The following APBA2 variants were observed in gnomAD, a reference collection of about 807,000 sequenced individuals.
The protein encoded by APBA2 is amyloid beta precursor protein binding family A member 2.
A neutral mutation model predicts 75.0 loss-of-function variants in APBA2; 30 were observed. The ratio of observed to expected loss-of-function variants is 0.40; its 90% confidence interval spans 0.30 to 0.54. APBA2 has a LOEUF of 0.54. APBA2 is among the 20% of genes least tolerant of loss of function. The pLI is 0.49. For missense variants in APBA2, 801 were observed against 1,016.1 expected, an observed-to-expected ratio of 0.79 and a Z score of 2.88; for synonymous variants, 444 against 409.6, an observed-to-expected ratio of 1.08 and a Z score of -1.01.
chr15:28,959,052 G>A (rs369862692), intron 2 of APBA2, among the ~76,000 whole-genome samples: 18 of 152,062 alleles, frequency 1.2e-4, no homozygotes, highest in African/African-American at 3.9e-4. Flanking sequence ...GCAGTGGTGC[G>A]ACCTTGGTTC....
chr15:29,081,981 G>T (rs571528206), intron 6 of APBA2, among the ~76,000 whole-genome samples: 1 of 152,218 alleles, frequency 6.6e-6, no homozygotes, highest in Non-Finnish European at 1.5e-5. Context: ...GACAGCGTAC[G>T]CTGCTGTTGG....
Position 29,013,381 on chromosome 15 carries a change from G to A in APBA2, c.-41+17575G>A, listed in dbSNP as rs1187323852. Among the ~76,000 whole-genome samples the A allele has an allele frequency of 2.1e-5, 3 of 145,602 alleles. No homozygotes were observed. The East Asian group carries it at 6.4e-4, about 31-fold the overall frequency. The stretch of plus-strand genomic sequence containing the variant: ...TGCGAGCTCCGCCTCACGGGTTCAC[G>A]CCATTCTCCTGCCTCAGCCTCCCAA... On this transcript the variant is annotated intron_variant, in intron 3 of 14. Transcript: ENST00000683413.
intron 2 of APBA2, among the ~76,000 whole-genome samples, chr15:28,925,557 T>A (rs2034213352): frequency 6.6e-6 from 1 of 152,236 alleles, no homozygotes; most frequent in African/African-American, 2.4e-5. Context: ...TTTCTATTTT[T>A]AAAATACTTG....
intron 3 of APBA2, among the ~76,000 whole-genome samples, chr15:28,998,071 G>T (rs947682120): frequency 1.3e-5 from 2 of 152,140 alleles, no homozygotes; most frequent in Non-Finnish European, 2.9e-5. Flanking sequence ...TTTCTGCTGC[G>T]AATGGAATCA....
intron 3 of APBA2, among the ~76,000 whole-genome samples, chr15:29,017,745 C>G (rs2039748298): frequency 6.6e-6 from 1 of 152,246 alleles, no homozygotes; most frequent in Non-Finnish European, 1.5e-5. Flanking sequence ...AATGTTTATG[C>G]TTGCTCTTAC....
At chr15:28,906,126 T>G (rs2033119770) in intron 1 of APBA2, among the ~76,000 whole-genome samples, 2 of 152,308 alleles carry the variant, frequency 1.3e-5, no homozygotes, top group East Asian at 3.9e-4. Flanking sequence ...GATTTGCAGT[T>G]CGATCCCCCA....
intron 3 of APBA2, among the ~76,000 whole-genome samples, chr15:29,033,047 C>T (rs11852339): frequency 0.19 from 29,650 of 152,170 alleles, 3,841 homozygotes; most frequent in African/African-American, 0.36. Context: ...CTTATCCAAG[C>T]TGCATCACTC....
chr15:29,084,092 TAGGTACA>T (rs2043190377), intron 6 of APBA2, among the ~76,000 whole-genome samples: 1 of 152,236 alleles, frequency 6.6e-6, no homozygotes, highest in Non-Finnish European at 1.5e-5. Context: ...TTGCTGTTTG[TAGGTACA>T]AAGAAAGCTA....
rs764481384 is a variant in APBA2, at chr15:29,098,482, C to T, written c.1252-8C>T. ...TTGGACTTTAACAATATCCACTGTC[C>T]TTCTTAGAATTCTGAGGGGGATGCC... On this transcript the variant is annotated splice_region_variant and splice_polypyrimidine_tract_variant and intron_variant, in intron 8 of 14. Transcript: ENST00000683413. The T allele has an allele frequency of 6.2e-7, 1 of 1,611,146 alleles. No individual in the cohort carries two copies. The highest frequency in any genetic ancestry group is 8.5e-7 in the Non-Finnish European group (1 of 1,177,280).
chr15:29,106,633 G>A lies in APBA2; in HGVS notation c.1731G>A (p.Glu577=), dbSNP rs2044422097. The A allele has an allele frequency of 5.0e-6, 8 of 1,613,050 alleles. No homozygotes were observed. The highest frequency in any genetic ancestry group is 6.8e-6 in the Non-Finnish European group (8 of 1,180,014). Residue 577 remains glutamate, a synonymous_variant, in exon 12 of 15, where the codon GAG becomes GAA. Transcript: ENST00000683413. ...TGCAGCTGGAGAAGCACAAGGGCGA[G>A]ATCCTGGGCGTGGTGGTGGTGGAGT... ...KELQLEKHKG[E]ILGVVVVESG...
rs576619053 is a variant in APBA2 at position 28,942,546 on chromosome 15, G to A, written c.-95+20797G>A. Among the ~76,000 whole-genome samples, 115 of 152,290 alleles carry A rather than the reference G, an allele frequency of 7.6e-4. 1 individual carries two copies. The Middle Eastern group carries it at 0.01, about 14-fold the overall frequency. ...TCAGTATTTCTTGGGGGAGGAACTC[G>A]GTGTGGTTTTTTCCAGCCTGAGCCC... On this transcript the variant is annotated intron_variant, in intron 2 of 14. Transcript: ENST00000683413.
chr15:28,968,626 A>G (rs372769008), intron 2 of APBA2, among the ~76,000 whole-genome samples: 3 of 152,162 alleles, frequency 2.0e-5, no homozygotes, highest in Non-Finnish European at 2.9e-5. Context: ...TTGATGCTCA[A>G]TGCCCCTGTT....
At chr15:29,115,328 A>G (rs994190580) in intron 14 of APBA2, among the ~76,000 whole-genome samples, 15 of 151,890 alleles carry the variant, frequency 9.9e-5, no homozygotes, top group Non-Finnish European at 1.5e-4. Flanking sequence ...GGACACTGGT[A>G]TTTTGTGCAC....
intron 3 of APBA2, among the ~76,000 whole-genome samples, chr15:29,003,971 CCA>C (rs1173859204): frequency 6.6e-6 from 1 of 152,154 alleles, no homozygotes; most frequent in Non-Finnish European, 1.5e-5. Context: ...CTCAAAAAGA[CCA>C]CACTCTTGAT....
intron 2 of APBA2, among the ~76,000 whole-genome samples, chr15:28,993,194 C>A (rs1441759285): frequency 6.6e-6 from 1 of 152,178 alleles, no homozygotes; most frequent in South Asian, 2.1e-4. Context: ...GAGTCAGCTG[C>A]CCCCAGGGAC....
chr15:28,962,876 G>A (rs764655575), intron 2 of APBA2, among the ~76,000 whole-genome samples: 3 of 152,160 alleles, frequency 2.0e-5, no homozygotes, highest in African/African-American at 2.4e-5. Context: ...TACTTTAACC[G>A]CTTCCTGGAC....
intron 2 of APBA2, among the ~76,000 whole-genome samples, chr15:28,982,926 A>G (rs188039830): frequency 6.1e-4 from 93 of 152,342 alleles, no homozygotes; most frequent in Admixed American, 2.3e-3. Flanking sequence ...CTATGTAGAA[A>G]TGAAATAAAT....
chr15:29,094,282 T>C lies in APBA2; in HGVS notation c.1220T>C (p.Met407Thr), dbSNP rs1314911383. The part of the protein sequence containing the change: ...AQEAVSRVKR[M>T]QKAAKIKKKA... ...TTTTCTCTTCCATGCTGTCAGAGGA[T>C]GCAAAAGGCTGCTAAGATCAAGAAA... Residue 407 changes from methionine to threonine, a missense_variant, in exon 8 of 15, where the codon ATG becomes ACG. Physicochemically the swap from Met to Thr is moderately conservative, Grantham distance 81. This residue lies in a region of APBA2 where 367 missense variants were observed against 544.5 expected (regional missense o/e 0.67). Coordinates refer to ENST00000683413, the MANE Select transcript of APBA2 (RefSeq NM_001353788.2). The C allele has an allele frequency of 1.9e-6, 3 of 1,614,114 alleles. No homozygotes were observed. Among genetic ancestry groups the C allele is most frequent in the South Asian group, 1.1e-5 (1 of 91,084 alleles).
intron 3 of APBA2, among the ~76,000 whole-genome samples, chr15:29,021,450 C>A (rs983376698): frequency 6.6e-6 from 1 of 152,108 alleles, no homozygotes; most frequent in Non-Finnish European, 1.5e-5. Flanking sequence ...ATCACTTGAA[C>A]CCAGGAGCCA....
Sources: gnomAD v4.1 joint callset for allele counts (sites outside exome capture counted in the v4.1 genomes callset) on GRCh38, gnomAD v4.1.1 for gene constraint, gnomAD v4.1.1 regional missense constraint, MANE v1.5 for transcripts, NCBI Gene and HGNC (gene_info 2026-07-23, HGNC 2026-07-21) for gene names.